SGCZ: variants seen among roughly 807,000 people sequenced by gnomAD.
The protein encoded by SGCZ is zeta-sarcoglycan.
Under a neutral mutation model 41.3 loss-of-function variants are expected in SGCZ, and 40 were observed. The ratio of observed to expected loss-of-function variants is 0.97; its 90% CI spans 0.75 to 1.26. The LOEUF is 1.26. Among genes scored for constraint, SGCZ ranks in the 50% most tolerant of loss-of-function variants. The pLI, the probability that SGCZ is intolerant of heterozygous loss-of-function variation, is 0.00. For missense variants in SGCZ, 552 were observed against 369.8 expected (o/e 1.49, Z -4.04); for synonymous variants, 206 against 137.5 (o/e 1.50, Z -3.49).
rs143173317 is a variant in SGCZ at position 14,559,785 on chromosome 8, C to T, written c.40-4859G>A. Among the ~76,000 whole-genome samples the T allele has an allele frequency of 9.9e-5, 15 of 152,058 alleles. No homozygotes were observed. In the East Asian group the frequency reaches 1.4e-3, roughly 14 times the overall value. ...TTAAATGAATTGGAAACGCTGATAA[C>T]GGTAGATAATTCATAGCAAGTTCTC... On this transcript the variant is annotated intron_variant, in intron 1 of 7. Coordinates refer to ENST00000382080, the MANE Select transcript of SGCZ (RefSeq NM_139167.4).
Position 14,747,941 on chromosome 8 carries a change from G to A in SGCZ, c.40-193015C>T, listed in dbSNP as rs563270672. Among the ~76,000 whole-genome samples the A allele has an allele frequency of 7.1e-3, 1,056 of 148,722 alleles. 9 individuals carry two copies. Among genetic ancestry groups the A allele is most frequent in the Middle Eastern group, 0.021 (6 of 284 alleles). On this transcript the variant is annotated intron_variant, in intron 1 of 7. Coordinates refer to ENST00000382080, the MANE Select transcript of SGCZ (RefSeq NM_139167.4). Reference sequence around the variant, plus strand: ...GAGTTTCGCCATGTTGGCCAGGCTAGTCTTGAACTCCTGAACTCAGGTGAT... The same window carrying A: ...GAGTTTCGCCATGTTGGCCAGGCTAATCTTGAACTCCTGAACTCAGGTGAT...
Position 15,237,675 on chromosome 8 carries a change from C to T in SGCZ, c.-52G>A, listed in dbSNP as rs1460470483. Reference sequence around the variant, plus strand: ...GAACCGGGCGAGTGGCACCCAAAAACAATCTAGTCTTTTAGTTTCCAGCTT... The same window carrying T: ...GAACCGGGCGAGTGGCACCCAAAAATAATCTAGTCTTTTAGTTTCCAGCTT... On this transcript the variant is annotated 5_prime_UTR_variant, in exon 1 of 8. Coordinates refer to ENST00000382080, the MANE Select transcript of SGCZ (RefSeq NM_139167.4). The T allele has an allele frequency of 1.9e-6, 3 of 1,551,984 alleles. No homozygotes were observed. The highest frequency in any genetic ancestry group is 2.6e-6 in the Non-Finnish European group (3 of 1,144,654).
chr8:14,870,346 C>T (rs1002921100), intron 1 of SGCZ, among the ~76,000 whole-genome samples: 2 of 152,124 alleles, frequency 1.3e-5, no homozygotes, highest in African/African-American at 2.4e-5. Flanking sequence ...TCTGAATTCC[C>T]AGTTTAATAA....
intron 1 of SGCZ, among the ~76,000 whole-genome samples, chr8:14,742,315 A>G (rs1034393891): frequency 1.2e-4 from 18 of 151,882 alleles, no homozygotes; most frequent in African/African-American, 2.9e-4. Context: ...ACGCGCGCTC[A>G]CACACACACA....
intron 1 of SGCZ, among the ~76,000 whole-genome samples, chr8:14,598,224 T>A (rs973678124): frequency 2.0e-5 from 3 of 152,078 alleles, no homozygotes; most frequent in East Asian, 1.9e-4. Context: ...GGCATTTTTT[T>A]TCATTTATTT....
chr8:14,341,922 C>T (rs1802724297), intron 2 of SGCZ, among the ~76,000 whole-genome samples: 1 of 152,110 alleles, frequency 6.6e-6, no homozygotes, highest in Admixed American at 6.5e-5. Context: ...GCTTTATCAG[C>T]AGTGTGAAAA....
At chr8:14,273,183 G>A (rs1800117046) in intron 3 of SGCZ, among the ~76,000 whole-genome samples, 1 of 151,864 alleles carries the variant, frequency 6.6e-6, no homozygotes, top group African/African-American at 2.4e-5. Context: ...CAAAAATATT[G>A]ATAAAAAGAA....
chr8:14,607,030 A>G (rs7815367), intron 1 of SGCZ, among the ~76,000 whole-genome samples: 47,059 of 151,998 alleles, frequency 0.31, 7,696 homozygotes, highest in African/African-American at 0.42. Context: ...TACTGAAATG[A>G]GAAAATCACT....
At chr8:14,307,506 A>G (rs924329883) in intron 3 of SGCZ, among the ~76,000 whole-genome samples, 3 of 152,012 alleles carry the variant, frequency 2.0e-5, no homozygotes, top group Non-Finnish European at 4.4e-5. Context: ...TTCCTTAATT[A>G]TGTAGGTTGA....
intron 1 of SGCZ, among the ~76,000 whole-genome samples, chr8:14,861,133 A>G (rs1420596743): frequency 6.6e-6 from 1 of 152,200 alleles, no homozygotes; most frequent in Non-Finnish European, 1.5e-5. Flanking sequence ...CTAAGACACT[A>G]CACTTTGTGT....
At chr8:15,088,709 T>G (rs1806041233) in intron 1 of SGCZ, among the ~76,000 whole-genome samples, 1 of 152,142 alleles carries the variant, frequency 6.6e-6, no homozygotes, top group South Asian at 2.1e-4. Flanking sequence ...TATATAAGCC[T>G]CTTTTATTCG....
intron 1 of SGCZ, among the ~76,000 whole-genome samples, chr8:15,070,781 A>G (rs1175549110): frequency 6.6e-6 from 1 of 152,180 alleles, no homozygotes; most frequent in Non-Finnish European, 1.5e-5. Context: ...TAGTTGAATG[A>G]GTGTATTAGC....
At chr8:14,593,051 C>T (rs766896048) in intron 1 of SGCZ, among the ~76,000 whole-genome samples, 8 of 152,120 alleles carry the variant, frequency 5.3e-5, no homozygotes, top group Non-Finnish European at 1.2e-4. Context: ...ATCAACCACA[C>T]CTGCCCTGGT....
chr8:14,377,444 T>G (rs1238977987), intron 2 of SGCZ, among the ~76,000 whole-genome samples: 1 of 151,998 alleles, frequency 6.6e-6, no homozygotes, highest in Non-Finnish European at 1.5e-5. Context: ...CTATGTGAGT[T>G]ATTTTATAAA....
chr8:14,921,691 A>C (rs757931852), intron 1 of SGCZ, among the ~76,000 whole-genome samples: 2 of 152,164 alleles, frequency 1.3e-5, no homozygotes, highest in Admixed American at 1.3e-4. Context: ...CATTTTACAG[A>C]TGTAAAGTTA....
rs147100812 is a variant in SGCZ, at chr8:14,654,073, T to G, written c.40-99147A>C. Among the ~76,000 whole-genome samples the G allele has an allele frequency of 3.1e-3, 473 of 152,108 alleles. 8 individuals carry two copies. The highest frequency in any genetic ancestry group is 0.011 in the African/African-American group (445 of 41,464). ...TTCGCAAAAGTTCCTGCCAAAATAA[T>G]AAGAGTCATAGAAGTTAACATTCAA... is the stretch of plus-strand genomic sequence containing the variant. On this transcript the variant is annotated intron_variant, in intron 1 of 7. Transcript: ENST00000382080.
chr8:14,582,503 C>A (rs1804924530), intron 1 of SGCZ, among the ~76,000 whole-genome samples: 1 of 151,958 alleles, frequency 6.6e-6, no homozygotes, highest in East Asian at 1.9e-4. Flanking sequence ...ACACTCTTTT[C>A]TTTAAATTTA....
At chr8:14,341,481 A>T (rs1317280702) in intron 2 of SGCZ, among the ~76,000 whole-genome samples, 1 of 152,152 alleles carries the variant, frequency 6.6e-6, no homozygotes, top group East Asian at 1.9e-4. Context: ...AATGGGTGTG[A>T]AGTGGGGTAA....
chr8:15,154,978 G>C (rs174851), intron 1 of SGCZ, among the ~76,000 whole-genome samples: 62,115 of 151,946 alleles, frequency 0.41, 13,258 homozygotes, highest in Non-Finnish European at 0.46. Context: ...AGCCGATTTT[G>C]AATATTCCCA....
Sources: allele counts gnomAD v4.1 joint callset (sites outside exome capture counted in the v4.1 genomes callset), GRCh38; gene constraint gnomAD v4.1.1; transcripts MANE v1.5; gene names NCBI Gene and HGNC (gene_info 2026-07-23, HGNC 2026-07-21).